Variants in B3GAT2 observed in about 807,000 individuals in gnomAD.
B3GAT2 encodes the protein galactosylgalactosylxylosylprotein 3-beta-glucuronosyltransferase 2.
A neutral mutation model predicts 27.8 loss-of-function variants in B3GAT2; 26 were observed. The observed-to-expected ratio is 0.93, with a 90% CI of 0.68 to 1.30. The LOEUF is 1.30. B3GAT2 is among the 50% of genes most tolerant of loss of function. The pLI is 0.00. For missense variants in B3GAT2, 458 were observed against 459.0 expected, an observed-to-expected ratio of 1.00 and a Z score of 0.02; for synonymous variants, 218 against 195.1, an observed-to-expected ratio of 1.12 and a Z score of -0.98.
At position 70,956,852 on chromosome 6, in the gene B3GAT2, C is replaced by A; in HGVS notation, c.-423G>T. ...CGGCGGTGCTGCGGGCACAAGGGCT[C>A]CAGCCGCGGGCCCCCAGGACGCTCT... On this transcript the variant is annotated 5_prime_UTR_variant, in exon 1 of 4. Transcript: ENST00000230053. 1 of 1,029,978 alleles carries A rather than the reference C, an allele frequency of 9.7e-7. No homozygotes were observed. Among genetic ancestry groups the A allele is most frequent in the Admixed American group, 5.4e-5 (1 of 18,534 alleles). 63.8% of individuals were successfully genotyped at this position (1,029,978 alleles called of 1,614,324 possible).
At position 70,955,782 on chromosome 6, in the gene B3GAT2, C is replaced by A; in HGVS notation, c.591+57G>T. 2.0e-6 allele frequency: 3 copies of A among 1,489,266 alleles called. No homozygotes were observed. The South Asian group carries it at 3.9e-5, about 19-fold the overall frequency. The allele number at this position is 1,489,266 out of a possible 1,614,324, so 92.3% of individuals were successfully genotyped here. A position where few individuals can be genotyped will look rare whatever the true frequency, so the allele number is the denominator to read the frequency against. On this transcript the variant is annotated intron_variant, in intron 1 of 3. Coordinates refer to ENST00000230053, the MANE Select transcript of B3GAT2 (RefSeq NM_080742.3). ...CAAGGGGCGTGTGACTGCAGCCCGG[C>A]CGGCCCGGAGGCCCACTCCCGCCCT...
At chr6:70,946,610 G>A (rs1440020362) in intron 1 of B3GAT2, among the ~76,000 whole-genome samples, 134 of 151,592 alleles carry the variant, frequency 8.8e-4, no homozygotes, top group African/African-American at 2.8e-3. Context: ...AAAGAGACTT[G>A]GACTCCCAAA....
At chr6:70,866,975 A>C (rs1326770625) in intron 2 of B3GAT2, among the ~76,000 whole-genome samples, 1 of 152,012 alleles carries the variant, frequency 6.6e-6, no homozygotes, top group Non-Finnish European at 1.5e-5. Context: ...ATGTTTTCTG[A>C]CTACAGTGGA....
intron 1 of B3GAT2, among the ~76,000 whole-genome samples, chr6:70,939,085 C>T (rs967534114): frequency 9.9e-5 from 15 of 151,940 alleles, no homozygotes; most frequent in Admixed American, 1.3e-4. Context: ...AACAAGTGGG[C>T]GAAGGACATG....
rs1269720891 is a variant in B3GAT2 at position 70,917,604 on chromosome 6, T to C, written c.592-23332A>G. Among the ~76,000 whole-genome samples, 3 of 152,342 alleles carry C rather than the reference T, an allele frequency of 2.0e-5. No individual in the cohort carries two copies. In the South Asian group the frequency reaches 6.2e-4, roughly 32 times the overall value. On this transcript the variant is annotated intron_variant, in intron 1 of 3. Transcript: ENST00000230053. ...AGATTCTTGAACGTTGTATCTTTGT[T>C]CTTATTGGCTTCACAGAACATTGTT...
intron 1 of B3GAT2, among the ~76,000 whole-genome samples, chr6:70,927,331 A>G (rs543270490): frequency 6.6e-6 from 1 of 152,352 alleles, no homozygotes; most frequent in South Asian, 2.1e-4. Flanking sequence ...TAACAATATT[A>G]ACCTTCAATG....
chr6:70,878,119 AAC>A (rs1313903232), intron 2 of B3GAT2, among the ~76,000 whole-genome samples: 1 of 152,186 alleles, frequency 6.6e-6, no homozygotes, highest in African/African-American at 2.4e-5. Flanking sequence ...ATGTTTCATG[AAC>A]ACTTGAAATA....
intron 1 of B3GAT2, among the ~76,000 whole-genome samples, chr6:70,902,246 G>A (rs1468912628): frequency 1.3e-5 from 2 of 152,044 alleles, no homozygotes; most frequent in East Asian, 1.9e-4. Context: ...ATAGTCAGTC[G>A]ATTTCTGGCT....
At chr6:70,924,169 C>T (rs544457271) in intron 1 of B3GAT2, among the ~76,000 whole-genome samples, 1 of 152,162 alleles carries the variant, frequency 6.6e-6, no homozygotes, top group Admixed American at 6.5e-5. Context: ...AAAAATAAAA[C>T]CTACCAGCAT....
At position 70,860,504 on chromosome 6, in the gene B3GAT2, GAA is replaced by G. The variant is rs945717475; in HGVS notation, c.*1157_*1158del. The G allele has an allele frequency of 2.2e-5, 14 of 640,366 alleles. No individual in the cohort carries two copies. Among genetic ancestry groups the G allele is most frequent in the African/African-American group, 1.9e-4 (10 of 52,912 alleles). The allele number at this position is 640,366 out of a possible 1,614,324, so 39.7% of individuals were successfully genotyped here. On this transcript the variant is annotated 3_prime_UTR_variant, in exon 4 of 4. Coordinates refer to ENST00000230053, the MANE Select transcript of B3GAT2 (RefSeq NM_080742.3). ...CTGTACTGATTCAATTTGATGTGGT[GAA>G]AAGCAGGTTGATAAATCATTTTATG... is the stretch of plus-strand genomic sequence containing the variant.
rs571315631 is a variant in B3GAT2 at position 70,946,588 on chromosome 6, T to A, written c.591+9251A>T. On this transcript the variant is annotated intron_variant, in intron 1 of 3. Transcript: ENST00000230053. ...GCACCCAGATTCATAAAGCAAGTCC[T>A]GAGTGACCTACAAAGAGACTTGGAC... 6.6e-5 allele frequency among the ~76,000 whole-genome samples: 10 copies of A among 152,246 alleles called. No individual in the cohort carries two copies. In the East Asian group the frequency reaches 1.4e-3, roughly 21 times the overall value.
chr6:70,931,540 C>T (rs1773063208), intron 1 of B3GAT2, among the ~76,000 whole-genome samples: 2 of 152,074 alleles, frequency 1.3e-5, no homozygotes, highest in African/African-American at 4.8e-5. Context: ...CACATATGGT[C>T]AGTGATTTTT....
At chr6:70,886,107 T>C (rs981700624) in intron 2 of B3GAT2, among the ~76,000 whole-genome samples, 22 of 152,210 alleles carry the variant, frequency 1.4e-4, no homozygotes, top group African/African-American at 4.3e-4. Flanking sequence ...AAATTTCATT[T>C]TCCCTGTTCT....
At position 70,861,924 on chromosome 6, in the gene B3GAT2, C is replaced by T. The variant is rs781519334; in HGVS notation, c.791G>A (p.Arg264His). ...ILSNPKAVFK[R>H]RGSQPGMQES... is the part of the protein sequence containing the mutation. ...TTGCATCCCTGGCTGGGATCCACGA[C>T]GCTTAAATACAGCTTTTGGATTGGA... The change falls in exon 3 of 4, where the codon CGT becomes CAT. Residue 264 changes from arginine to histidine, a missense_variant. Arg to His is a conservative substitution (Grantham distance 29, BLOSUM62 0). Coordinates refer to ENST00000230053, the MANE Select transcript of B3GAT2 (RefSeq NM_080742.3). 23 of 1,613,556 alleles carry T rather than the reference C, an allele frequency of 1.4e-5. No individual in the cohort carries two copies. The highest frequency in any genetic ancestry group is 4.4e-5 in the South Asian group (4 of 91,078).
chr6:70,858,370 A>G lies in B3GAT2; in HGVS notation c.*3293T>C. 4.4e-6 allele frequency: 3 copies of G among 674,494 alleles called. No individual in the cohort carries two copies. The highest frequency in any genetic ancestry group is 2.3e-6 in the Non-Finnish European group (1 of 429,498). 41.8% of individuals were successfully genotyped at this position (674,494 alleles called of 1,614,324 possible). On this transcript the variant is annotated 3_prime_UTR_variant, in exon 4 of 4. Transcript: ENST00000230053. ...ATAGGGATAATATGTTATAGGGTCA[A>G]AAGTATCTATAAATATTATGAAGTT...
chr6:70,861,564 AAAAC>A lies in B3GAT2; in HGVS notation c.*95_*98del, dbSNP rs1023887838. On this transcript the variant is annotated 3_prime_UTR_variant, in exon 4 of 4. Coordinates refer to ENST00000230053, the MANE Select transcript of B3GAT2 (RefSeq NM_080742.3). Reference sequence around the variant, plus strand: ...ACAAGAAAGGCTGCTGTACTGAAGTAAAACAAACAATACCTGAATGCTCTGTAGC... The same window carrying A: ...ACAAGAAAGGCTGCTGTACTGAAGTAAAACAATACCTGAATGCTCTGTAGC... 82 of 1,124,344 alleles carry A rather than the reference AAAAC, an allele frequency of 7.3e-5. No individual in the cohort carries two copies. The highest frequency in any genetic ancestry group is 9.2e-5 in the Non-Finnish European group (71 of 767,704). The allele number at this position is 1,124,344 out of a possible 1,614,324, so 69.6% of individuals were successfully genotyped here. A position where few individuals can be genotyped will look rare whatever the true frequency, so the allele number is the denominator to read the frequency against.
At chr6:70,921,101 T>C (rs962631141) in intron 1 of B3GAT2, among the ~76,000 whole-genome samples, 42 of 152,164 alleles carry the variant, frequency 2.8e-4, no homozygotes, top group African/African-American at 1.0e-3. Context: ...CCTACATGTC[T>C]TGGGGATGGT....
intron 2 of B3GAT2, among the ~76,000 whole-genome samples, chr6:70,871,208 G>GT (rs1189234314): frequency 0.013 from 1,047 of 81,022 alleles, 24 homozygotes; most frequent in Non-Finnish European, 0.017. Context: ...AGGTCTGTCT[G>GT]TTTTTTTTTT....
At chr6:70,900,618 G>C (rs1772482643) in intron 1 of B3GAT2, among the ~76,000 whole-genome samples, 1 of 152,136 alleles carries the variant, frequency 6.6e-6, no homozygotes, top group African/African-American at 2.4e-5. Context: ...TGTTTCTTTA[G>C]CCAGCTTTTC....
Sources: gnomAD v4.1 joint callset for allele counts (sites outside exome capture counted in the v4.1 genomes callset) on GRCh38, gnomAD v4.1.1 for gene constraint, MANE v1.5 for transcripts, NCBI Gene and HGNC (gene_info 2026-07-23, HGNC 2026-07-21) for gene names.